CDKL1: variants seen among roughly 807,000 people sequenced by gnomAD.
CDKL1 encodes the protein cyclin dependent kinase like 1.
A neutral mutation model predicts 42.0 loss-of-function variants in CDKL1; 41 were observed. The observed-to-expected ratio is 0.98, with a 90% confidence interval of 0.76 to 1.27. CDKL1 has a LOEUF of 1.27. Ranked by LOEUF, CDKL1 falls within the 50% of genes most tolerant of loss-of-function variation. The probability of loss-of-function intolerance (pLI) is 0.00; values close to 1 mark genes in which losing one functional copy is unlikely to be tolerated. For missense variants in CDKL1, 394 were observed against 428.4 expected, an observed-to-expected ratio of 0.92 and a Z score of 0.71; for synonymous variants, 153 against 158.6, an observed-to-expected ratio of 0.96 and a Z score of 0.26.
At position 50,327,883 on chromosome 14, in the gene CDKL1, A is replaced by G. The variant is rs770442036; in HGVS notation, c.*2191T>C. ...TAACAGCTTATACAAATAACACAGT[A>G]TAAATGGTAATTGCCACTGTCATTT... is the stretch of plus-strand genomic sequence containing the variant. On this transcript the variant is annotated 3_prime_UTR_variant, in exon 10 of 10. Coordinates refer to ENST00000395834, the MANE Select transcript of CDKL1 (RefSeq NM_004196.7). The G allele has an allele frequency of 6.6e-6, 1 of 152,240 alleles. No homozygotes were observed. Among genetic ancestry groups the G allele is most frequent in the Non-Finnish European group, 1.5e-5 (1 of 68,050 alleles). 9.4% of individuals were successfully genotyped at this position (152,240 alleles called of 1,614,324 possible). A position where few individuals can be genotyped will look rare whatever the true frequency, so the allele number is the denominator to read the frequency against.
intron 8 of CDKL1, chr14:50,333,410 C>T (rs1243293466): frequency 6.6e-6 from 1 of 152,142 alleles, no homozygotes; most frequent in Non-Finnish European, 1.5e-5. Context: ...ACACTTTCAC[C>T]AGCACCATGA....
chr14:50,377,689 GT>G (rs1566603978), intron 2 of CDKL1: 1 of 1,320,718 alleles, frequency 7.6e-7, no homozygotes, highest in Non-Finnish European at 1.0e-6. Flanking sequence ...TAAGCCTTTT[GT>G]CAGGGCTGGT....
chr14:50,347,323 T>C (rs1181850899), intron 3 of CDKL1, among the ~76,000 whole-genome samples: 1 of 152,076 alleles, frequency 6.6e-6, no homozygotes, highest in East Asian at 1.9e-4. Flanking sequence ...AGATAGAATA[T>C]ATTCTGTGGT....
chr14:50,330,982 C>G (rs776424484), intron 9 of CDKL1: 1 of 152,296 alleles, frequency 6.6e-6, no homozygotes, highest in South Asian at 2.1e-4. Context: ...TGCCTGTAAT[C>G]CCAGCACTTT....
chr14:50,390,279 G>T (rs1395662330), intron 2 of CDKL1: 1 of 1,366,174 alleles, frequency 7.3e-7, no homozygotes, highest in Non-Finnish European at 9.8e-7. Context: ...CATACCACCT[G>T]CCATAGGTAG....
chr14:50,341,455 C>CGGGCGGG (rs2033523846), intron 5 of CDKL1, among the ~76,000 whole-genome samples: 1 of 4,548 alleles, frequency 2.2e-4, no homozygotes, highest in African/African-American at 7.9e-4. Context: ...TGGGGAGGGT[C>CGGGCGGG]TGGGGGGGGG....
intron 1 of CDKL1, 73 bp downstream of exon 1, chr14:50,396,751 C>T (rs2035422121): frequency 6.5e-6 from 1 of 154,634 alleles, no homozygotes; most frequent in Non-Finnish European, 1.4e-5. Context: ...ACCTCAGCCG[C>T]GCCGCGCAGC....
At chr14:50,394,402 A>G (rs1331870768) in intron 2 of CDKL1, among the ~76,000 whole-genome samples, 2 of 152,208 alleles carry the variant, frequency 1.3e-5, no homozygotes, top group South Asian at 4.1e-4. Context: ...GAACATTCCA[A>G]ACCTAAATAG....
At chr14:50,348,201 A>G (rs1025048083) in intron 3 of CDKL1, among the ~76,000 whole-genome samples, 1 of 152,228 alleles carries the variant, frequency 6.6e-6, no homozygotes, top group Non-Finnish European at 1.5e-5. Flanking sequence ...GAACCAACCA[A>G]TTCATCCAGA....
chr14:50,383,358 G>A (rs986418386), intron 2 of CDKL1, among the ~76,000 whole-genome samples: 1 of 151,890 alleles, frequency 6.6e-6, no homozygotes, highest in East Asian at 2.0e-4. Flanking sequence ...GAGACCAGCC[G>A]GGCCAATATG....
At chr14:50,377,717 G>C in intron 2 of CDKL1, 2 of 1,287,930 alleles carry the variant, frequency 1.6e-6, no homozygotes, top group South Asian at 2.7e-5. Flanking sequence ...TGGGGTGTAA[G>C]CTTGCTTCGG....
At chr14:50,371,613 TGCTGCCATGATGCTG>T (rs1468760468) in intron 2 of CDKL1, among the ~76,000 whole-genome samples, 4 of 152,224 alleles carry the variant, frequency 2.6e-5, no homozygotes, top group Admixed American at 2.6e-4. Context: ...CTGGAGCAGC[TGCTGCCATGATGCTG>T]GCTGCAGTGG....
At chr14:50,334,661 T>A in intron 7 of CDKL1, 40 bp from the exon 8 acceptor site, 1 of 1,207,232 alleles carries the variant, frequency 8.3e-7, no homozygotes, top group Non-Finnish European at 1.2e-6. Context: ...ACAGCATGTA[T>A]TCAAATTAAG....
chr14:50,378,582 G>A, intron 2 of CDKL1: 1 of 576,046 alleles, frequency 1.7e-6, no homozygotes, highest in Admixed American at 3.5e-5. Context: ...CATCCAGGCT[G>A]GAGTGCAGTG....
At chr14:50,335,882 A>AGAAGCC in intron 7 of CDKL1, 1 of 1,266,830 alleles carries the variant, frequency 7.9e-7, no homozygotes, top group African/African-American at 1.5e-5. Context: ...AGAGTAGGAG[A>AGAAGCC]GAAGAGCCTC....
chr14:50,377,760 T>C (rs780181447), intron 2 of CDKL1: 1 of 1,197,130 alleles, frequency 8.4e-7, no homozygotes, highest in Non-Finnish European at 1.1e-6. Context: ...TATGCGGCAA[T>C]GGTCATTATG....
At chr14:50,397,173 C>A, upstream of CDKL1, 1 of 1,366,556 alleles carries the variant, frequency 7.3e-7, no homozygotes, top group Non-Finnish European at 9.8e-7. Flanking sequence ...CGCTAGGAGC[C>A]CCTCCTGAGC....
chr14:50,365,154 G>C (rs567269826), intron 2 of CDKL1, among the ~76,000 whole-genome samples: 1 of 152,270 alleles, frequency 6.6e-6, no homozygotes, highest in African/African-American at 2.4e-5. Context: ...GAGTCAAATT[G>C]CTTTCCAAAA....
chr14:50,378,437 A>G, intron 2 of CDKL1: 1 of 1,365,782 alleles, frequency 7.3e-7, no homozygotes. Flanking sequence ...GTAAGGCTGG[A>G]AAAGGGGAAA....
Sources: gnomAD v4.1 joint callset for allele counts (sites outside exome capture counted in the v4.1 genomes callset) on GRCh38, gnomAD v4.1.1 for gene constraint, MANE v1.5 for transcripts, NCBI Gene and HGNC (gene_info 2026-07-23, HGNC 2026-07-21) for gene names.